The following TLE4 variants were observed in gnomAD, a reference collection of about 807,000 sequenced individuals.
The protein encoded by TLE4 is TLE family member 4, transcriptional corepressor, also known as transducin-like enhancer protein 4.
In TLE4, 8 loss-of-function variants were observed where a neutral mutation model predicts 92.8. The observed-to-expected ratio is 0.09, with a 90% CI of 0.05 to 0.16. TLE4 has a LOEUF of 0.16. Among genes scored for constraint, TLE4 ranks in the 10% least tolerant of loss-of-function variants. TLE4 has a pLI of 1.00. For synonymous variants in TLE4, 371 were observed against 374.1 expected (o/e 0.99, Z 0.10); for missense variants, 675 against 997.6 (o/e 0.68, Z 4.36).
chr9:79,674,048 G>A (rs780462047), intron 8 of TLE4, among the ~76,000 whole-genome samples: 1 of 152,086 alleles, frequency 6.6e-6, no homozygotes, highest in Non-Finnish European at 1.5e-5. Flanking sequence ...TTCCCTCCAA[G>A]TGGGGATCCC....
chr9:79,594,924 C>G (rs547943829), intron 4 of TLE4, among the ~76,000 whole-genome samples: 2 of 152,306 alleles, frequency 1.3e-5, no homozygotes, highest in African/African-American at 2.4e-5. Flanking sequence ...TAACTCTGTA[C>G]TTTAACCATA....
At chr9:79,660,101 C>T (rs372268140) in intron 8 of TLE4, among the ~76,000 whole-genome samples, 3 of 152,300 alleles carry the variant, frequency 2.0e-5, no homozygotes, top group Admixed American at 6.5e-5. Flanking sequence ...GTATTCTTGA[C>T]ACCACAAGGA....
At chr9:79,688,660 A>T in intron 8 of TLE4, among the ~76,000 whole-genome samples, 1 of 151,578 alleles carries the variant, frequency 6.6e-6, no homozygotes, top group Non-Finnish European at 1.5e-5. Flanking sequence ...TTCCCCACTA[A>T]TTAACTGCAC....
intron 8 of TLE4, among the ~76,000 whole-genome samples, chr9:79,703,623 A>G (rs1467821705): frequency 6.6e-6 from 1 of 152,106 alleles, no homozygotes; most frequent in African/African-American, 2.4e-5. Flanking sequence ...TCTCCAGTTG[A>G]GAGCTCCTTG....
intron 4 of TLE4, among the ~76,000 whole-genome samples, chr9:79,607,066 T>C (rs2132864681): frequency 6.6e-6 from 1 of 152,278 alleles, no homozygotes; most frequent in Admixed American, 6.5e-5. Flanking sequence ...TGATCCCCAC[T>C]CTAACTGGTG....
chr9:79,577,980 C>T (rs1241388096), intron 4 of TLE4, among the ~76,000 whole-genome samples: 1 of 152,152 alleles, frequency 6.6e-6, no homozygotes, highest in Non-Finnish European at 1.5e-5. Context: ...GTACATTTTC[C>T]CTTTTTTTCG....
intron 4 of TLE4, among the ~76,000 whole-genome samples, chr9:79,600,486 CACAAAAACAG>C (rs1395932939): frequency 1.3e-5 from 2 of 152,006 alleles, no homozygotes; most frequent in Non-Finnish European, 2.9e-5. Context: ...AACAAAAACA[CACAAAAACAG>C]ACAAGGAATT....
chr9:79,625,317 C>G (rs1054601650), intron 5 of TLE4, among the ~76,000 whole-genome samples: 1 of 152,024 alleles, frequency 6.6e-6, no homozygotes, highest in Non-Finnish European at 1.5e-5. Flanking sequence ...CCGCGCCCGG[C>G]CTTAAATCTA....
chr9:79,693,363 A>G (rs1345975465), intron 8 of TLE4, among the ~76,000 whole-genome samples: 3 of 152,040 alleles, frequency 2.0e-5, no homozygotes, highest in African/African-American at 7.2e-5. Context: ...TCTACTCTCT[A>G]TTCTCAGTGG....
intron 8 of TLE4, among the ~76,000 whole-genome samples, chr9:79,681,425 T>G (rs1280515982): frequency 6.6e-6 from 1 of 152,184 alleles, no homozygotes; most frequent in East Asian, 1.9e-4. Flanking sequence ...TAAAGAGCTC[T>G]TCACATACAT....
At chr9:79,576,058 T>C (rs2131872597) in intron 3 of TLE4, 75 bp from the exon 4 acceptor site, 1 of 1,011,634 alleles carries the variant, frequency 9.9e-7, no homozygotes, top group East Asian at 2.9e-5. Flanking sequence ...TCAGATTTAC[T>C]TGGGGCATTT....
At chr9:79,694,261 C>T (rs1421130748) in intron 8 of TLE4, among the ~76,000 whole-genome samples, 1 of 152,178 alleles carries the variant, frequency 6.6e-6, no homozygotes, top group Non-Finnish European at 1.5e-5. Flanking sequence ...AGATATTTTT[C>T]ATCAGTCCTT....
chr9:79,572,762 G>A lies in TLE4; in HGVS notation c.-29G>A. ...TAAAGCCAATGAGCCGCGCGCCTCT[G>A]CCGAGCGCAGCCAACTAAATCGGCT... On this transcript the variant is annotated 5_prime_UTR_variant, in exon 1 of 20. Transcript: ENST00000376552. The A allele has an allele frequency of 1.3e-6, 2 of 1,595,582 alleles. No homozygotes were observed. The highest frequency in any genetic ancestry group is 1.7e-6 in the Non-Finnish European group (2 of 1,172,014).
chr9:79,640,480 A>C (rs1448799219), intron 6 of TLE4, among the ~76,000 whole-genome samples: 1 of 151,966 alleles, frequency 6.6e-6, no homozygotes, highest in Non-Finnish European at 1.5e-5. Flanking sequence ...ATCTGAAAAA[A>C]GCTATAAGAC....
chr9:79,596,634 CAGAA>C (rs1338590746), intron 4 of TLE4, among the ~76,000 whole-genome samples: 5 of 109,916 alleles, frequency 4.5e-5, no homozygotes, highest in Non-Finnish European at 5.9e-5. Context: ...AATTGAGAGA[CAGAA>C]AGAGCCCTAA....
At chr9:79,612,781 G>T in intron 5 of TLE4, 63 bp downstream of exon 5, 1 of 1,407,022 alleles carries the variant, frequency 7.1e-7, no homozygotes, top group Non-Finnish European at 1.0e-6. Context: ...TGCAGAAAAG[G>T]GATTGTAGAA....
At chr9:79,684,706 C>G (rs140118465) in intron 8 of TLE4, among the ~76,000 whole-genome samples, 2 of 152,272 alleles carry the variant, frequency 1.3e-5, no homozygotes, top group East Asian at 3.9e-4. Flanking sequence ...ACCAGGCTCT[C>G]CCTCATGTAT....
At chr9:79,689,610 A>G (rs1425714495) in intron 8 of TLE4, among the ~76,000 whole-genome samples, 5 of 152,194 alleles carry the variant, frequency 3.3e-5, no homozygotes, top group African/African-American at 4.8e-5. Context: ...ATCTTATGAC[A>G]TGGTTATGAT....
intron 6 of TLE4, among the ~76,000 whole-genome samples, chr9:79,641,205 A>G (rs777225662): frequency 3.3e-5 from 5 of 151,596 alleles, no homozygotes; most frequent in South Asian, 2.1e-4. Context: ...CCCATGAGAA[A>G]AGATTGATAG....
Sources: gnomAD v4.1 joint callset for allele counts (sites outside exome capture counted in the v4.1 genomes callset) on GRCh38, gnomAD v4.1.1 for gene constraint, MANE v1.5 for transcripts, NCBI Gene and HGNC (gene_info 2026-07-23, HGNC 2026-07-21) for gene names.